Variants in CUBN observed in about 807,000 individuals in gnomAD.
CUBN encodes cubilin.
A neutral mutation model predicts 405.3 loss-of-function variants in CUBN; 282 were observed. That is an observed-to-expected ratio of 0.70 (90% confidence interval 0.63 to 0.77). The LOEUF (loss-of-function observed/expected upper bound fraction) is 0.77. Among genes scored for constraint, CUBN ranks in the 30% least tolerant of loss-of-function variants. CUBN has a pLI of 0.00. For missense variants in CUBN, 4,514 were observed against 4,475.2 expected (o/e 1.01, Z -0.25); for synonymous variants, 1,684 against 1,617.0 (o/e 1.04, Z -0.99).
rs759872696 is a variant in CUBN, at chr10:16,916,015, C to A, written c.7016G>T (p.Arg2339Ile). ...AKYSIAQCGG[R>I]VPGQSGVVES... ...AACAACACCACTTTGCCCTGGTACT[C>A]TTCCCCCACACTGAGCTGCAAAAAA... Residue 2339 changes from arginine to isoleucine, a missense_variant, in exon 46 of 67, where the codon AGA (arginine) becomes ATA (isoleucine). Physicochemically the swap from Arg to Ile is moderately conservative, Grantham distance 97. Around this residue, in one of 5 missense-constraint regions of CUBN, gnomAD observed 1,613 missense variants for 1,542.8 expected, o/e 1.05. Coordinates refer to ENST00000377833, the MANE Select transcript of CUBN (RefSeq NM_001081.4). The A allele has an allele frequency of 1.9e-6, 3 of 1,614,040 alleles. No individual in the cohort carries two copies. Among genetic ancestry groups the A allele is most frequent in the Non-Finnish European group, 2.5e-6 (3 of 1,179,942 alleles).
chr10:16,962,770 A>G (rs139220474), intron 31 of CUBN, among the ~76,000 whole-genome samples: 106 of 152,274 alleles, frequency 7.0e-4, no homozygotes, highest in Middle Eastern at 3.4e-3. Flanking sequence ...GGCCTCAGCC[A>G]ACAGCCTGCA....
At chr10:16,831,506 G>C (rs1213036673) in intron 64 of CUBN, 89 bp from the exon 65 acceptor site, 25 of 1,194,086 alleles carry the variant, frequency 2.1e-5, no homozygotes, top group Non-Finnish European at 5.0e-6. Context: ...TGATGACATT[G>C]GTCGGAAAAG....
chr10:16,992,991 C>T (rs1450629073), intron 28 of CUBN, among the ~76,000 whole-genome samples: 1 of 152,210 alleles, frequency 6.6e-6, no homozygotes, highest in Non-Finnish European at 1.5e-5. Flanking sequence ...ATGCCCAACT[C>T]CAGGGAGCAC....
In CUBN at chr10:17,084,442, CCCA is replaced by C; in HGVS notation, c.2127_2129del (p.Gly710del). ...GTTCACCCTCTGGGTCCGTGTAGTT[CCCA>C]CCACAACGCAGATCCGCTAAGAACA... On this transcript the variant is annotated inframe_deletion, in exon 17 of 67. Coordinates refer to ENST00000377833, the MANE Select transcript of CUBN (RefSeq NM_001081.4). 6.2e-7 allele frequency: 1 copy of C among 1,613,440 alleles called. No homozygotes were observed. Among genetic ancestry groups the C allele is most frequent in the Non-Finnish European group, 8.5e-7 (1 of 1,179,834 alleles).
intron 31 of CUBN, among the ~76,000 whole-genome samples, chr10:16,956,191 C>T (rs1241080915): frequency 6.6e-6 from 1 of 152,032 alleles, no homozygotes; most frequent in South Asian, 2.1e-4. Flanking sequence ...TTATACAAGC[C>T]CATGAATCAA....
At chr10:16,917,597 C>G (rs1157318257) in intron 45 of CUBN, among the ~76,000 whole-genome samples, 1 of 152,094 alleles carries the variant, frequency 6.6e-6, no homozygotes, top group Admixed American at 6.5e-5. Flanking sequence ...TAAGAGAGAA[C>G]TACTGTATTT....
In CUBN at chr10:16,933,196, G is replaced by C. The variant is rs773577610; in HGVS notation, c.6015C>G (p.Asp2005Glu). Residue 2005 changes from aspartate (D) to glutamate (E), a missense_variant, in exon 40 of 67, where the codon GAC (aspartate) becomes GAG (glutamate). Asp to Glu is a conservative substitution (Grantham distance 45, BLOSUM62 2). This residue lies in a region of CUBN where 1,613 missense variants were observed against 1,542.8 expected (regional missense o/e 1.05). Coordinates refer to ENST00000377833, the MANE Select transcript of CUBN (RefSeq NM_001081.4). ...GWPDSYSNRV[D>E]CTWLIQAPDS... ...CGGGAGCCTGGATGAGCCACGTACA[G>C]TCCACTCTATTACTGTAACTGTCAG... 1 of 1,614,086 alleles carries C rather than the reference G, an allele frequency of 6.2e-7. No individual in the cohort carries two copies. Among genetic ancestry groups the C allele is most frequent in the Non-Finnish European group, 8.5e-7 (1 of 1,180,004 alleles).
chr10:17,002,399 TG>T (rs1564472309), intron 28 of CUBN, among the ~76,000 whole-genome samples: 1 of 152,194 alleles, frequency 6.6e-6, no homozygotes, highest in African/African-American at 2.4e-5. Context: ...TCTCAAGGAC[TG>T]TTATTACAAA....
At chr10:16,875,944 T>C (rs1840486314) in intron 57 of CUBN, among the ~76,000 whole-genome samples, 1 of 152,214 alleles carries the variant, frequency 6.6e-6, no homozygotes, top group African/African-American at 2.4e-5. Context: ...ATTGCGTGGT[T>C]CTATTCTGCT....
chr10:17,077,626 A>C (rs532883809), intron 17 of CUBN, among the ~76,000 whole-genome samples: 107 of 152,338 alleles, frequency 7.0e-4, no homozygotes, highest in African/African-American at 2.5e-3. Context: ...ACCACACCGT[A>C]TGGTAGTGTT....
rs1202641090 is a variant in CUBN at position 16,948,566 on chromosome 10, G to A, written c.5121C>T (p.Ser1707=). 3.1e-6 allele frequency: 5 copies of A among 1,613,922 alleles called. No individual in the cohort carries two copies. Among genetic ancestry groups the A allele is most frequent in the Non-Finnish European group, 3.4e-6 (4 of 1,179,970 alleles). The change falls in exon 35 of 67, where the codon TCC becomes TCT. Residue 1707 remains serine, a synonymous_variant. Transcript: ENST00000377833. ...ATCTCAGCGTCAGGGCGCTGCTGAAGGATGTGATAGGATGGGGCATGTCGG... is the reference window on the plus strand; with the variant it reads ...ATCTCAGCGTCAGGGCGCTGCTGAAAGATGTGATAGGATGGGGCATGTCGG... ...CGTDMPHPIT[S]FSSALTLRFV...
In CUBN at chr10:17,002,119, C is replaced by T. The variant is rs114005216; in HGVS notation, c.4169-11604G>A. On this transcript the variant is annotated intron_variant, in intron 28 of 66. Coordinates refer to ENST00000377833, the MANE Select transcript of CUBN (RefSeq NM_001081.4). ...ATATGGCAACATTTAAGTCAATGGTCGAAAAGAGAAACCTCTGGGGACAAA... is the reference window on the plus strand; with the variant it reads ...ATATGGCAACATTTAAGTCAATGGTTGAAAAGAGAAACCTCTGGGGACAAA... Among the ~76,000 whole-genome samples, 969 of 152,096 alleles carry T rather than the reference C, an allele frequency of 6.4e-3. 8 individuals are homozygous for T. The highest frequency in any genetic ancestry group is 0.021 in the African/African-American group (888 of 41,482).
Position 16,925,611 on chromosome 10 carries a change from A to G in CUBN, c.6435T>C (p.Ser2145=), listed in dbSNP as rs568334463. 1.9e-6 allele frequency: 3 copies of G among 1,614,070 alleles called. No homozygotes were observed. In the African/African-American group the frequency reaches 4.0e-5, roughly 22 times the overall value. Residue 2145 remains serine (S), a synonymous_variant, in exon 42 of 67, where the codon TCT becomes TCC. Coordinates refer to ENST00000377833, the MANE Select transcript of CUBN (RefSeq NM_001081.4). Reference sequence around the variant, plus strand: ...CCAAGTAATCCCCCTGGTTGCAAGAAGAATCTCCATTTGGAATCTGGAAAG... The same window carrying G: ...CCAAGTAATCCCCCTGGTTGCAAGAGGAATCTCCATTTGGAATCTGGAAAG... ...EQPFQIPNGD[S]SCNQGDYLVL...
intron 4 of CUBN, among the ~76,000 whole-genome samples, chr10:17,124,621 G>GGTTTCACC (rs1473644079): frequency 4.0e-5 from 6 of 151,800 alleles, no homozygotes; most frequent in Admixed American, 3.3e-4. Flanking sequence ...GTAGAGACGG[G>GGTTTCACC]GTTTCACCGT....
chr10:16,926,166 T>C (rs1294358664), intron 41 of CUBN, among the ~76,000 whole-genome samples: 1 of 152,078 alleles, frequency 6.6e-6, no homozygotes, highest in African/African-American at 2.4e-5. Flanking sequence ...GCCACGTCAT[T>C]GGAGTAACAT....
intron 31 of CUBN, among the ~76,000 whole-genome samples, chr10:16,964,248 A>G (rs1843323686): frequency 6.6e-6 from 1 of 152,206 alleles, no homozygotes; most frequent in Admixed American, 6.5e-5. Context: ...ACATATAAAG[A>G]TACTCCTCAT....
In CUBN at chr10:16,877,004, C is replaced by A. The variant is rs1317185317; in HGVS notation, c.8999G>T (p.Gly3000Val). 6.2e-7 allele frequency: 1 copy of A among 1,613,998 alleles called. No individual in the cohort carries two copies. Among genetic ancestry groups the A allele is most frequent in the Non-Finnish European group, 8.5e-7 (1 of 1,180,026 alleles). Residue 3000 changes from glycine (G) to valine (V), a missense_variant, in exon 57 of 67, where the codon GGG becomes GTG. Physicochemically the swap from Gly to Val is moderately radical, Grantham distance 109 (BLOSUM62 -3). Transcript: ENST00000377833. Reference protein sequence around the residue: ...VMSTPFATVCGDEMPAPLTIA... With the variant: ...VMSTPFATVCVDEMPAPLTIA... ...GGTGAGGGGAGCTGGCATCTCATCCCCACACACAGTAGCAAATGGGGTGGA... is the reference window on the plus strand; with the variant it reads ...GGTGAGGGGAGCTGGCATCTCATCCACACACACAGTAGCAAATGGGGTGGA...
chr10:16,829,947 T>C (rs11254233), intron 65 of CUBN, among the ~76,000 whole-genome samples: 1 of 151,282 alleles, frequency 6.6e-6, no homozygotes, highest in East Asian at 1.9e-4. Context: ...GTTTTGTTTT[T>C]TTTTTTGAGA....
At chr10:16,919,245 T>C (rs1345504811) in intron 44 of CUBN, among the ~76,000 whole-genome samples, 2 of 152,210 alleles carry the variant, frequency 1.3e-5, no homozygotes, top group African/African-American at 2.4e-5. Context: ...TAAAAGTAGA[T>C]AAGCATGTAT....
Sources: allele counts gnomAD v4.1 joint callset (sites outside exome capture counted in the v4.1 genomes callset), GRCh38; gene constraint gnomAD v4.1.1; regional missense constraint gnomAD v4.1.1; transcripts MANE v1.5; gene names NCBI Gene and HGNC (gene_info 2026-07-23, HGNC 2026-07-21).